AKAP6: variants seen among roughly 807,000 people sequenced by gnomAD.
AKAP6 encodes the protein A-kinase anchoring protein 6.
AKAP6 carries 58 observed loss-of-function variants against 188.5 expected under a neutral mutation model. The observed-to-expected ratio is 0.31, with a 90% CI of 0.25 to 0.38. AKAP6 has a LOEUF of 0.38. Ranked by LOEUF, AKAP6 falls within the 10% of genes least tolerant of loss-of-function variation. AKAP6 has a pLI of 1.00. For missense variants in AKAP6, 2,710 were observed against 2,740.0 expected (o/e 0.99, Z 0.24); for synonymous variants, 989 against 998.6 (o/e 0.99, Z 0.18).
chr14:32,713,605 C>G (rs1327645291), intron 9 of AKAP6, among the ~76,000 whole-genome samples: 1 of 152,066 alleles, frequency 6.6e-6, no homozygotes, highest in Non-Finnish European at 1.5e-5. Context: ...TCACCTTGCA[C>G]TTTTATGTTA....
intron 1 of AKAP6, among the ~76,000 whole-genome samples, chr14:32,356,935 TC>T (rs769877472): frequency 6.6e-6 from 1 of 152,006 alleles, no homozygotes; most frequent in Non-Finnish European, 1.5e-5. Flanking sequence ...CCTTCTTCAT[TC>T]CCATGCTTGC....
At chr14:32,395,798 A>G (rs960475228) in intron 1 of AKAP6, among the ~76,000 whole-genome samples, 2 of 152,276 alleles carry the variant, frequency 1.3e-5, no homozygotes, top group South Asian at 2.1e-4. Context: ...TGTAACATAT[A>G]TATAGTGTGG....
At chr14:32,751,676 TA>T (rs4007532) in intron 11 of AKAP6, among the ~76,000 whole-genome samples, 3,737 of 151,628 alleles carry the variant, frequency 0.025, 137 homozygotes, top group African/African-American at 0.085. Flanking sequence ...TGCCTTCACT[TA>T]AAAAAAAATC....
At chr14:32,399,396 A>G (rs1157312379) in intron 1 of AKAP6, among the ~76,000 whole-genome samples, 1 of 152,192 alleles carries the variant, frequency 6.6e-6, no homozygotes, top group Non-Finnish European at 1.5e-5. Context: ...GGTTTCACAA[A>G]GCTTTTTCTC....
chr14:32,654,053 C>A (rs1476263652), intron 7 of AKAP6, among the ~76,000 whole-genome samples: 1 of 152,154 alleles, frequency 6.6e-6, no homozygotes, highest in Non-Finnish European at 1.5e-5. Flanking sequence ...AAACTCTTAA[C>A]TAATTGCTCA....
At chr14:32,715,086 A>C (rs1454599070) in intron 9 of AKAP6, among the ~76,000 whole-genome samples, 1 of 151,898 alleles carries the variant, frequency 6.6e-6, no homozygotes, top group Admixed American at 6.6e-5. Context: ...TTGAGGAAAA[A>C]ATGATTACAA....
At chr14:32,641,665 G>T (rs1166223955) in intron 7 of AKAP6, among the ~76,000 whole-genome samples, 1 of 151,828 alleles carries the variant, frequency 6.6e-6, no homozygotes, top group Admixed American at 6.6e-5. Context: ...AATTTCATGT[G>T]GTCCCTAAAT....
chr14:32,816,789 C>T (rs967885390), intron 12 of AKAP6, among the ~76,000 whole-genome samples: 3 of 152,106 alleles, frequency 2.0e-5, no homozygotes, highest in Admixed American at 2.0e-4. Flanking sequence ...GTTTTTGTCA[C>T]TTTTATTTAT....
At chr14:32,700,962 G>T (rs1046540479) in intron 9 of AKAP6, among the ~76,000 whole-genome samples, 1 of 152,096 alleles carries the variant, frequency 6.6e-6, no homozygotes, top group Non-Finnish European at 1.5e-5. Flanking sequence ...TACTAAATAA[G>T]TATCCAATTC....
At chr14:32,663,276 A>G (rs1888780952) in intron 7 of AKAP6, among the ~76,000 whole-genome samples, 1 of 152,044 alleles carries the variant, frequency 6.6e-6, no homozygotes, top group African/African-American at 2.4e-5. Context: ...TTCCCTTTTA[A>G]AAGGATTTTA....
At chr14:32,547,096 G>A in intron 4 of AKAP6, 97 bp downstream of exon 4, 4 of 1,143,860 alleles carry the variant, frequency 3.5e-6, no homozygotes, top group Admixed American at 2.5e-5. Flanking sequence ...TAAAATGTAT[G>A]GCTATTTTTG....
chr14:32,422,326 G>A (rs969284288), intron 1 of AKAP6, among the ~76,000 whole-genome samples: 1 of 152,088 alleles, frequency 6.6e-6, no homozygotes, highest in Non-Finnish European at 1.5e-5. Flanking sequence ...GACTCTCTCA[G>A]ATTTGATAAT....
chr14:32,488,087 T>TGGCA (rs1879800200), intron 2 of AKAP6, among the ~76,000 whole-genome samples: 7 of 152,188 alleles, frequency 4.6e-5, no homozygotes. Context: ...TCTTCATAGC[T>TGGCA]GGCAGGCAGG....
intron 1 of AKAP6, among the ~76,000 whole-genome samples, chr14:32,392,478 A>G (rs1317703663): frequency 1.3e-5 from 2 of 152,188 alleles, no homozygotes; most frequent in African/African-American, 2.4e-5. Context: ...TTTAGTATAC[A>G]TACATATATT....
At chr14:32,778,754 G>A (rs12895886) in intron 12 of AKAP6, among the ~76,000 whole-genome samples, 33,173 of 144,134 alleles carry the variant, frequency 0.23, 4,392 homozygotes, top group East Asian at 0.44. Context: ...GCTATGTTGC[G>A]CAGGCTAGTC....
intron 1 of AKAP6, among the ~76,000 whole-genome samples, chr14:32,352,099 G>A (rs10139592): frequency 0.021 from 2,479 of 117,950 alleles, 32 homozygotes; most frequent in African/African-American, 0.055. Flanking sequence ...GTGTGTGTGT[G>A]TGTTTGTGTG....
chr14:32,556,591 C>T (rs1883698651), intron 4 of AKAP6, among the ~76,000 whole-genome samples: 1 of 152,176 alleles, frequency 6.6e-6, no homozygotes, highest in African/African-American at 2.4e-5. Flanking sequence ...AATCCACCTG[C>T]CTCAACCTCC....
At chr14:32,635,036 A>G (rs1352483094) in intron 7 of AKAP6, among the ~76,000 whole-genome samples, 2 of 152,018 alleles carry the variant, frequency 1.3e-5, no homozygotes, top group Admixed American at 1.3e-4. Context: ...GACCCTCAGT[A>G]TTGCTGAGTT....
chr14:32,427,882 T>C (rs1173947042), intron 1 of AKAP6, among the ~76,000 whole-genome samples: 1 of 152,258 alleles, frequency 6.6e-6, no homozygotes, highest in Non-Finnish European at 1.5e-5. Flanking sequence ...ATAAGTGCTA[T>C]GTAGCAAGCA....
Sources: allele counts gnomAD v4.1 joint callset (sites outside exome capture counted in the v4.1 genomes callset), GRCh38; gene constraint gnomAD v4.1.1; transcripts MANE v1.5; gene names NCBI Gene and HGNC (gene_info 2026-07-23, HGNC 2026-07-21).